DENND1A: variants seen among roughly 807,000 people sequenced by gnomAD.
The protein encoded by DENND1A is DENN domain containing 1A.
In DENND1A, 51 loss-of-function variants were observed where a neutral mutation model predicts 113.7. The observed-to-expected ratio is 0.45, with a 90% CI of 0.36 to 0.57. The LOEUF (loss-of-function observed/expected upper bound fraction) is 0.57, where lower values mean the gene tolerates loss of function less well. DENND1A is among the 20% of genes least tolerant of loss of function. The pLI, the probability that DENND1A is intolerant of heterozygous loss-of-function variation, is 0.00. For missense variants in DENND1A, 1,258 were observed against 1,395.9 expected (o/e 0.90, Z 1.57); for synonymous variants, 565 against 570.8 (o/e 0.99, Z 0.14).
intron 2 of DENND1A, among the ~76,000 whole-genome samples, chr9:123,860,569 C>CT (rs1216929152): frequency 6.6e-6 from 1 of 152,166 alleles, no homozygotes; most frequent in Non-Finnish European, 1.5e-5. Flanking sequence ...AAAAGTAAGA[C>CT]TTACCACTCT....
chr9:123,902,001 G>A (rs979348573), intron 1 of DENND1A, among the ~76,000 whole-genome samples: 5 of 151,892 alleles, frequency 3.3e-5, no homozygotes, highest in East Asian at 1.9e-4. Flanking sequence ...GCAAGACTCC[G>A]TCTCAAAAAT....
intron 5 of DENND1A, among the ~76,000 whole-genome samples, chr9:123,734,442 T>C (rs148066059): frequency 6.6e-6 from 1 of 152,296 alleles, no homozygotes; most frequent in African/African-American, 2.4e-5. Context: ...AAAGTGCATG[T>C]CTCGGGGATC....
chr9:123,804,267 T>C (rs965987904), intron 2 of DENND1A, among the ~76,000 whole-genome samples: 1 of 152,242 alleles, frequency 6.6e-6, no homozygotes, highest in Non-Finnish European at 1.5e-5. Context: ...TCTACCATGA[T>C]TGTGAGGCCT....
At chr9:123,885,934 C>T (rs1012440258) in intron 1 of DENND1A, among the ~76,000 whole-genome samples, 3 of 152,180 alleles carry the variant, frequency 2.0e-5, no homozygotes, top group African/African-American at 7.2e-5. Flanking sequence ...CACCTGCCAC[C>T]ATGTCCGGGA....
intron 11 of DENND1A, among the ~76,000 whole-genome samples, chr9:123,583,654 C>T (rs1025385330): frequency 2.0e-5 from 3 of 152,184 alleles, no homozygotes; most frequent in Non-Finnish European, 2.9e-5. Context: ...CTTATGATAT[C>T]CCCATTCAAT....
At chr9:123,847,199 GAAGA>G (rs768675854) in intron 2 of DENND1A, among the ~76,000 whole-genome samples, 4 of 151,968 alleles carry the variant, frequency 2.6e-5, no homozygotes, top group African/African-American at 7.3e-5. Flanking sequence ...TAGTAAACTG[GAAGA>G]AAGACTTGAA....
intron 2 of DENND1A, among the ~76,000 whole-genome samples, chr9:123,852,905 C>CTT (rs201831270): frequency 2.0e-5 from 3 of 149,130 alleles, no homozygotes; most frequent in East Asian, 2.0e-4. Context: ...GTTTTTCTTT[C>CTT]TTTTTTTTTT....
intron 5 of DENND1A, among the ~76,000 whole-genome samples, chr9:123,690,392 T>C (rs1279892940): frequency 6.6e-6 from 1 of 152,178 alleles, no homozygotes; most frequent in Non-Finnish European, 1.5e-5. Context: ...CTGTTATTCA[T>C]AATTGAAAAT....
chr9:123,715,887 G>A (rs1345719584), intron 5 of DENND1A, among the ~76,000 whole-genome samples: 1 of 151,866 alleles, frequency 6.6e-6, no homozygotes, highest in Non-Finnish European at 1.5e-5. Flanking sequence ...TGTTGCCCAG[G>A]GTGGTCTCAA....
intron 10 of DENND1A, among the ~76,000 whole-genome samples, chr9:123,620,876 A>G (rs1319839578): frequency 1.3e-5 from 2 of 151,496 alleles, no homozygotes; most frequent in African/African-American, 2.4e-5. Flanking sequence ...TATTCTCCAT[A>G]TCTTGACTGG....
intron 2 of DENND1A, among the ~76,000 whole-genome samples, chr9:123,847,084 C>T (rs1842727011): frequency 6.6e-6 from 1 of 152,172 alleles, no homozygotes; most frequent in African/African-American, 2.4e-5. Flanking sequence ...CTCAAGCAAT[C>T]CTTTCACATT....
chr9:123,811,575 T>C (rs1029778758), intron 2 of DENND1A, among the ~76,000 whole-genome samples: 7 of 152,150 alleles, frequency 4.6e-5, no homozygotes, highest in African/African-American at 7.2e-5. Context: ...GTGGCTAACA[T>C]GGTGAAACCC....
intron 9 of DENND1A, among the ~76,000 whole-genome samples, chr9:123,651,812 T>C (rs1299594207): frequency 6.6e-6 from 1 of 151,926 alleles, no homozygotes; most frequent in African/African-American, 2.4e-5. Context: ...CTATTTATAA[T>C]TGACTGTGCG....
chr9:123,407,263 C>T (rs2043942327), intron 20 of DENND1A, among the ~76,000 whole-genome samples: 1 of 152,096 alleles, frequency 6.6e-6, no homozygotes, highest in Admixed American at 6.5e-5. Context: ...GCATGGCTGC[C>T]GACCCACCCA....
At chr9:123,711,513 G>GTGTATATATA (rs1369120234) in intron 5 of DENND1A, among the ~76,000 whole-genome samples, 2 of 121,008 alleles carry the variant, frequency 1.7e-5, no homozygotes, top group African/African-American at 6.5e-5. Context: ...ATGTATATAT[G>GTGTATATATA]TATATATATA....
intron 2 of DENND1A, among the ~76,000 whole-genome samples, chr9:123,813,362 T>A (rs555702078): frequency 1.3e-5 from 2 of 152,334 alleles, no homozygotes; most frequent in South Asian, 4.1e-4. Context: ...ATGTACATCT[T>A]TAATCTACTT....
intron 2 of DENND1A, among the ~76,000 whole-genome samples, chr9:123,797,131 T>G (rs1259008978): frequency 6.6e-6 from 1 of 152,132 alleles, no homozygotes; most frequent in African/African-American, 2.4e-5. Context: ...AGACAAAATA[T>G]TGAACATATT....
At chr9:123,603,683 A>G (rs1245532332) in intron 11 of DENND1A, among the ~76,000 whole-genome samples, 6 of 152,236 alleles carry the variant, frequency 3.9e-5, no homozygotes, top group African/African-American at 1.4e-4. Flanking sequence ...GAACTACCAC[A>G]TAGTACATAA....
intron 7 of DENND1A, among the ~76,000 whole-genome samples, chr9:123,668,870 G>C (rs2063622342): frequency 6.6e-6 from 1 of 152,132 alleles, no homozygotes; most frequent in African/African-American, 2.4e-5. Context: ...TAATATGCAA[G>C]GTTCCAGTAT....
Sources: gnomAD v4.1 joint callset for allele counts (sites outside exome capture counted in the v4.1 genomes callset) on GRCh38, gnomAD v4.1.1 for gene constraint, MANE v1.5 for transcripts, NCBI Gene and HGNC (gene_info 2026-07-23, HGNC 2026-07-21) for gene names.